ADCY9: variants seen among roughly 807,000 people sequenced by gnomAD.
The protein encoded by ADCY9 is adenylate cyclase 9.
ADCY9 carries 50 observed loss-of-function variants against 101.5 expected under a neutral mutation model. The ratio of observed to expected loss-of-function variants is 0.49; its 90% CI spans 0.39 to 0.62. The LOEUF is 0.62. ADCY9 is among the 20% of genes least tolerant of loss of function. The pLI, the probability that ADCY9 is intolerant of heterozygous loss-of-function variation, is 0.00. For missense variants in ADCY9, 1,662 were observed against 1,800.4 expected (o/e 0.92, Z 1.39); for synonymous variants, 905 against 769.3 (o/e 1.18, Z -2.92).
Position 3,962,867 on chromosome 16 carries a change from A to G in ADCY9, c.*2908T>C, listed in dbSNP as rs2055948824. On this transcript the variant is annotated 3_prime_UTR_variant, in exon 11 of 11. Transcript: ENST00000294016. ...CTCGAAAATCTAGAAATTCAAATGC[A>G]GACGTGTCTTTGGAAACTACAAATG... 1.3e-5 allele frequency: 2 copies of G among 152,438 alleles called. No homozygotes were observed. The highest frequency in any genetic ancestry group is 2.9e-5 in the Non-Finnish European group (2 of 68,040). 9.4% of individuals were successfully genotyped at this position (152,438 alleles called of 1,614,324 possible).
chr16:3,993,100 G>A (rs575739844), intron 4 of ADCY9, among the ~76,000 whole-genome samples: 1 of 152,186 alleles, frequency 6.6e-6, no homozygotes, highest in South Asian at 2.1e-4. Context: ...CTCATAAACT[G>A]AGTCCAGCTT....
chr16:4,115,773 G>A lies in ADCY9; in HGVS notation c.-127C>T, dbSNP rs2057147557. The A allele has an allele frequency of 2.5e-6, 1 of 403,938 alleles. No individual in the cohort carries two copies. The highest frequency in any genetic ancestry group is 4.2e-5 in the Admixed American group (1 of 23,996). The allele number at this position is 403,938 out of a possible 1,614,324, so 25.0% of individuals were successfully genotyped here. A position where few individuals can be genotyped will look rare whatever the true frequency, so the allele number is the denominator to read the frequency against. ...GCTCGCCTTCCGCGCCTCTCGCCCCGAGGGTGGCCTCCGCGCCGCGCGGCT... is the reference window on the plus strand; with the variant it reads ...GCTCGCCTTCCGCGCCTCTCGCCCCAAGGGTGGCCTCCGCGCCGCGCGGCT... On this transcript the variant is annotated 5_prime_UTR_variant, in exon 1 of 11. Transcript: ENST00000294016. This position sits in a 1 kb window ranked among gnomAD's most constrained non-coding sequence, Gnocchi z 6.2.
chr16:3,974,896 T>G (rs530229561), intron 9 of ADCY9, among the ~76,000 whole-genome samples, 186 bp from the exon 10 acceptor site: 1 of 152,318 alleles, frequency 6.6e-6, no homozygotes, highest in East Asian at 1.9e-4. Context: ...GTTCCCTTGG[T>G]AAAGCTGAGT....
chr16:3,962,039 T>TA (rs34916596), downstream of ADCY9, among the ~76,000 whole-genome samples: 79,572 of 149,658 alleles, frequency 0.53, 21,426 homozygotes, highest in East Asian at 0.78. Context: ...AAATAAAAAT[T>TA]AAAAAAAAAA....
At chr16:4,071,049 G>A (rs976954455) in intron 2 of ADCY9, among the ~76,000 whole-genome samples, 2 of 151,972 alleles carry the variant, frequency 1.3e-5, no homozygotes, top group African/African-American at 4.8e-5. Flanking sequence ...CCAAGTAGTA[G>A]CCAGGCGTGG....
chr16:4,115,250 G>A lies in ADCY9; in HGVS notation c.193C>T (p.Arg65Trp). The part of the protein sequence containing the change: ...SSSGDSGGVP[R>W]RVGGGGRLRR... ...AGCCGGCCTCCGCCGCCCACTCGCCGGGGGACGCCCCCGGAGTCCCCAGAG... is the reference window on the plus strand; with the variant it reads ...AGCCGGCCTCCGCCGCCCACTCGCCAGGGGACGCCCCCGGAGTCCCCAGAG... The change falls in exon 2 of 11, where the codon CGG becomes TGG. Residue 65 changes from arginine (R) to tryptophan (W), a missense_variant. Physicochemically the swap from Arg to Trp is moderately radical, Grantham distance 101 (BLOSUM62 -3). Transcript: ENST00000294016. The surrounding 1 kb of genome is among the most constrained non-coding windows in gnomAD (Gnocchi z 6.2). The A allele has an allele frequency of 6.2e-7, 1 of 1,613,236 alleles. No individual in the cohort carries two copies. The highest frequency in any genetic ancestry group is 8.5e-7 in the Non-Finnish European group (1 of 1,179,592).
chr16:3,958,673 C>CTTTT (rs1207846349), downstream of ADCY9, among the ~76,000 whole-genome samples: 142 of 103,012 alleles, frequency 1.4e-3, 7 homozygotes, highest in African/African-American at 4.9e-3. Context: ...TCGTCGGTTA[C>CTTTT]TTTTTTTTTT....
At chr16:4,006,776 C>G (rs572350265) in intron 3 of ADCY9, among the ~76,000 whole-genome samples, 7 of 152,270 alleles carry the variant, frequency 4.6e-5, no homozygotes, top group Admixed American at 1.3e-4. Context: ...TCGACCGCGC[C>G]AATTCCCTGG....
intron 2 of ADCY9, among the ~76,000 whole-genome samples, chr16:4,031,705 G>A (rs78767518): frequency 6.6e-6 from 1 of 151,572 alleles, no homozygotes; most frequent in African/African-American, 2.4e-5. Flanking sequence ...GTAACATGGC[G>A]AAACCACTGG....
intron 10 of ADCY9, among the ~76,000 whole-genome samples, chr16:3,968,044 A>C (rs1035133650): frequency 6.6e-6 from 1 of 152,026 alleles, no homozygotes; most frequent in Non-Finnish European, 1.5e-5. Context: ...CTTCAGCTCT[A>C]AATATTTCAG....
In ADCY9 at chr16:3,992,012, A is replaced by C. The variant is rs2056248291; in HGVS notation, c.2207+134T>G. The C allele has an allele frequency of 2.5e-6, 2 of 803,338 alleles. No individual in the cohort carries two copies. Among genetic ancestry groups the C allele is most frequent in the African/African-American group, 3.5e-5 (2 of 57,766 alleles). The allele number at this position is 803,338 out of a possible 1,614,324, so 49.8% of individuals were successfully genotyped here. On this transcript the variant is annotated intron_variant, in intron 5 of 10. Coordinates refer to ENST00000294016, the MANE Select transcript of ADCY9 (RefSeq NM_001116.4). This position sits in a 1 kb window ranked among gnomAD's most constrained non-coding sequence, Gnocchi z 4.2. ...TTTGAACCTGGGAGATAGAGGCTGC[A>C]GTGAGCCAAGATCGCGCCACTGCAC...
chr16:3,976,484 C>T (rs907699867), intron 9 of ADCY9, among the ~76,000 whole-genome samples: 4 of 152,154 alleles, frequency 2.6e-5, no homozygotes, highest in Admixed American at 1.3e-4. Context: ...GCCTCCCTGA[C>T]TCCTGTTTCT....
intron 2 of ADCY9, among the ~76,000 whole-genome samples, chr16:4,049,319 A>G (rs552315791): frequency 6.6e-6 from 1 of 152,210 alleles, no homozygotes; most frequent in Admixed American, 6.5e-5. Context: ...TCTGCAGTGG[A>G]GAGAAAGTCG....
At chr16:4,088,331 G>A (rs1252010438) in intron 2 of ADCY9, among the ~76,000 whole-genome samples, 1 of 151,552 alleles carries the variant, frequency 6.6e-6, no homozygotes, top group Non-Finnish European at 1.5e-5. Context: ...TTGCTGTGCT[G>A]CCCAGGCTGG....
At chr16:4,097,147 C>A (rs1355796484) in intron 2 of ADCY9, among the ~76,000 whole-genome samples, 8 of 152,082 alleles carry the variant, frequency 5.3e-5, no homozygotes, top group Admixed American at 3.3e-4. Context: ...CCCCTAAGCA[C>A]TCAGTCCTCT....
At chr16:4,010,379 C>T (rs994697185) in intron 2 of ADCY9, among the ~76,000 whole-genome samples, 6 of 152,212 alleles carry the variant, frequency 3.9e-5, no homozygotes, top group African/African-American at 7.2e-5. Flanking sequence ...ACATTCACAG[C>T]GCTCAGCACG....
intron 2 of ADCY9, among the ~76,000 whole-genome samples, chr16:4,107,332 C>G (rs2057083405): frequency 6.6e-6 from 1 of 152,102 alleles, no homozygotes; most frequent in Admixed American, 6.5e-5. Context: ...TGGTGGATCA[C>G]CTGAGGTCAG....
At position 3,965,787 on chromosome 16, in the gene ADCY9, T is replaced by G. The variant is rs769737201; in HGVS notation, c.4050A>C (p.Ser1350=). 7 of 1,612,528 alleles carry G rather than the reference T, an allele frequency of 4.3e-6. No homozygotes were observed. In the East Asian group the frequency reaches 1.3e-4, roughly 31 times the overall value. The change falls in exon 11 of 11, where the codon TCA becomes TCC. Residue 1350 remains serine, a synonymous_variant. Coordinates refer to ENST00000294016, the MANE Select transcript of ADCY9 (RefSeq NM_001116.4). The part of the protein sequence containing the change: ...EANELTKLNV[S]KSV The stretch of plus-strand genomic sequence containing the variant: ...GGTGGGCGCCGCCTCACACACTCTT[T>G]GAAACGTTGAGCTTGGTGAGTTCGT...
intron 3 of ADCY9, among the ~76,000 whole-genome samples, chr16:3,996,261 C>T (rs371607295): frequency 7.9e-4 from 121 of 152,274 alleles, no homozygotes; most frequent in African/African-American, 2.8e-3. Context: ...ACTCGGGAGG[C>T]TGAGGCAGGA....
Sources: gnomAD v4.1 joint callset for allele counts (sites outside exome capture counted in the v4.1 genomes callset) on GRCh38, gnomAD v4.1.1 for gene constraint, Gnocchi (gnomAD v3.1) non-coding constraint, MANE v1.5 for transcripts, NCBI Gene and HGNC (gene_info 2026-07-23, HGNC 2026-07-21) for gene names.